Variants in STARD13 observed in about 807,000 individuals in gnomAD.
STARD13 encodes stAR-related lipid transfer protein 13.
STARD13 carries 62 observed loss-of-function variants against 106.4 expected under a neutral mutation model. That is an observed-to-expected ratio of 0.58 (90% confidence interval 0.48 to 0.72). STARD13 has a LOEUF of 0.72. Ranked by LOEUF, STARD13 falls within the 30% of genes least tolerant of loss-of-function variation. The probability of loss-of-function intolerance (pLI) is 0.00; values close to 1 mark genes in which losing one functional copy is unlikely to be tolerated. For synonymous variants in STARD13, 565 were observed against 553.0 expected, an observed-to-expected ratio of 1.02 and a Z score of -0.31; for missense variants, 1,387 against 1,424.0, an observed-to-expected ratio of 0.97 and a Z score of 0.42.
At chr13:33,625,850 C>T in the STARD13 span, among the ~76,000 whole-genome samples, 4 of 151,972 alleles carry the variant, frequency 2.6e-5, no homozygotes, top group East Asian at 7.8e-4. Flanking sequence ...TATAGGTTCT[C>T]GCCACCATAC....
intron 4 of STARD13, among the ~76,000 whole-genome samples, chr13:33,136,501 C>G (rs1458588539): frequency 6.6e-6 from 1 of 152,208 alleles, no homozygotes; most frequent in Admixed American, 6.5e-5. Context: ...GGCATGTTTT[C>G]CTCTGATTGA....
At chr13:33,296,771 A>T (rs1892512819) in intron 1 of STARD13, among the ~76,000 whole-genome samples, 1 of 152,128 alleles carries the variant, frequency 6.6e-6, no homozygotes, top group African/African-American at 2.4e-5. Flanking sequence ...GGGGCCCCCC[A>T]CCACGCCCAG....
chr13:33,269,119 A>C (rs1891039522), intron 1 of STARD13, among the ~76,000 whole-genome samples: 1 of 152,222 alleles, frequency 6.6e-6, no homozygotes, highest in African/African-American at 2.4e-5. Context: ...TAGGATACCC[A>C]GACTTTCCAA....
At chr13:33,443,301 C>T in the STARD13 span, among the ~76,000 whole-genome samples, 1 of 151,182 alleles carries the variant, frequency 6.6e-6, no homozygotes, top group African/African-American at 2.4e-5. Context: ...GCCTTGAACC[C>T]AGGAGGTGGA....
chr13:33,211,413 T>C (rs554344970), intron 1 of STARD13, among the ~76,000 whole-genome samples: 1 of 152,304 alleles, frequency 6.6e-6, no homozygotes, highest in East Asian at 1.9e-4. Flanking sequence ...TTGGTGTGTA[T>C]CCTTCCAAAC....
the STARD13 span, among the ~76,000 whole-genome samples, chr13:33,580,274 G>A: frequency 6.6e-6 from 1 of 151,752 alleles, no homozygotes; most frequent in Non-Finnish European, 1.5e-5. Flanking sequence ...ACATACTGCC[G>A]AGTGAAAAAA....
the STARD13 span, among the ~76,000 whole-genome samples, chr13:33,554,465 T>C: frequency 6.6e-6 from 1 of 152,212 alleles, no homozygotes; most frequent in African/African-American, 2.4e-5. Flanking sequence ...CTAGAAGAAC[T>C]GAGCATAATA....
chr13:33,285,808 C>T (rs1348368983), upstream of STARD13: 6 of 1,400,242 alleles, frequency 4.3e-6, no homozygotes, highest in Non-Finnish European at 5.6e-6. Flanking sequence ...CCCCCGGGGC[C>T]CTCACGTGAC....
At chr13:33,212,648 C>A (rs1223541916) in intron 1 of STARD13, among the ~76,000 whole-genome samples, 1 of 152,164 alleles carries the variant, frequency 6.6e-6, no homozygotes, top group African/African-American at 2.4e-5. Context: ...CTCAGGTTCT[C>A]AGGCTACTAC....
At position 33,307,590 on chromosome 13, in the gene STARD13, T is replaced by C. The variant is rs573792757; in HGVS notation, c.124+42700A>G. Among the ~76,000 whole-genome samples, 6 of 152,222 alleles carry C rather than the reference T, an allele frequency of 3.9e-5. No individual in the cohort carries two copies. The South Asian group carries it at 6.2e-4, about 16-fold the overall frequency. ...AACCAAACAAGCATGCTCTCACTTA[T>C]GAGTGGGAGCTGGACAATGAGAACA... On this transcript the variant is annotated intron_variant, in intron 1 of 5. Coordinates refer to the STARD13 transcript ENST00000567873.
At chr13:33,593,890 A>G in the STARD13 span, among the ~76,000 whole-genome samples, 3 of 151,888 alleles carry the variant, frequency 2.0e-5, no homozygotes, top group East Asian at 5.8e-4. Flanking sequence ...TTCCAATAGC[A>G]CCTACTTCTG....
chr13:33,245,354 T>G (rs1051692827), intron 1 of STARD13, among the ~76,000 whole-genome samples: 4 of 152,224 alleles, frequency 2.6e-5, no homozygotes, highest in African/African-American at 9.6e-5. Flanking sequence ...CGCACTTACA[T>G]TCTCGCAGGA....
the STARD13 span, among the ~76,000 whole-genome samples, chr13:33,512,415 A>G: frequency 6.6e-6 from 1 of 152,164 alleles, no homozygotes; most frequent in Non-Finnish European, 1.5e-5. Flanking sequence ...GAGAAGTGTT[A>G]GAGTCCTTAG....
chr13:33,115,775 T>C (rs1875282152), intron 8 of STARD13, among the ~76,000 whole-genome samples: 1 of 152,136 alleles, frequency 6.6e-6, no homozygotes, highest in African/African-American at 2.4e-5. Flanking sequence ...AAGAGACACA[T>C]GGCCAAAGAG....
At chr13:33,380,453 TCACACA>T in the STARD13 span, among the ~76,000 whole-genome samples, 1 of 134,604 alleles carries the variant, frequency 7.4e-6, no homozygotes, top group Admixed American at 7.5e-5. Flanking sequence ...ACCCCTACCG[TCACACA>T]CACACACCCC....
the STARD13 span, among the ~76,000 whole-genome samples, chr13:33,591,255 A>T: frequency 6.6e-6 from 1 of 152,240 alleles, no homozygotes; most frequent in African/African-American, 2.4e-5. Context: ...GCTAATAGTG[A>T]TTATCTGAAG....
chr13:33,132,797 A>T (rs1878502691), intron 4 of STARD13, among the ~76,000 whole-genome samples: 1 of 152,248 alleles, frequency 6.6e-6, no homozygotes, highest in Admixed American at 6.5e-5. Context: ...AAGAGTTTAG[A>T]AAGTTGTAAT....
intron 1 of STARD13, among the ~76,000 whole-genome samples, chr13:33,341,260 A>G (rs949262344): frequency 2.6e-5 from 4 of 152,216 alleles, no homozygotes; most frequent in African/African-American, 9.7e-5. Context: ...AGAGAAGTAG[A>G]TATTAATTTC....
the STARD13 span, among the ~76,000 whole-genome samples, chr13:33,526,187 C>T: frequency 6.6e-6 from 1 of 151,876 alleles, no homozygotes; most frequent in African/African-American, 2.4e-5. Context: ...ATTATTAAAC[C>T]ATCCTTATGC....
Sources: gnomAD v4.1 joint callset for allele counts (sites outside exome capture counted in the v4.1 genomes callset) on GRCh38, gnomAD v4.1.1 for gene constraint, MANE v1.5 for transcripts, NCBI Gene and HGNC (gene_info 2026-07-23, HGNC 2026-07-21) for gene names.